PREX1: variants seen among roughly 807,000 people sequenced by gnomAD.
PREX1 encodes phosphatidylinositol-3,4,5-trisphosphate dependent Rac exchange factor 1, also known as phosphatidylinositol 3,4,5-trisphosphate-dependent Rac exchanger 1 protein.
In PREX1, 41 loss-of-function variants were observed where a neutral mutation model predicts 198.3. That is an observed-to-expected ratio of 0.21 (90% CI 0.16 to 0.27). PREX1 has a LOEUF of 0.27. Among genes scored for constraint, PREX1 ranks in the 10% least tolerant of loss-of-function variants. PREX1 has a pLI of 1.00. For synonymous variants in PREX1, 843 were observed against 887.2 expected (o/e 0.95, Z 0.89); for missense variants, 1,620 against 2,200.7 (o/e 0.74, Z 5.28).
chr20:48,855,101 A>G, the PREX1 span, among the ~76,000 whole-genome samples: 1 of 152,160 alleles, frequency 6.6e-6, no homozygotes, highest in Non-Finnish European at 1.5e-5. Context: ...ATTATCCAGT[A>G]CTAGTGAGCA....
At chr20:48,865,040 G>A in the PREX1 span, among the ~76,000 whole-genome samples, 2 of 152,066 alleles carry the variant, frequency 1.3e-5, no homozygotes, top group African/African-American at 4.8e-5. Flanking sequence ...CAGGGTTGGG[G>A]GGGGTCTTAC....
chr20:48,734,500 A>G (rs748017379), intron 4 of PREX1, 46 bp downstream of exon 4: 22 of 1,527,146 alleles, frequency 1.4e-5, no homozygotes, highest in Non-Finnish European at 1.9e-5. Context: ...TTCCACAAGG[A>G]TGAGGCCGAG....
At chr20:48,797,608 T>C (rs2090368952) in intron 1 of PREX1, among the ~76,000 whole-genome samples, 1 of 151,960 alleles carries the variant, frequency 6.6e-6, no homozygotes, top group African/African-American at 2.4e-5. Flanking sequence ...TTCTCAATGA[T>C]CTTCCCCAGA....
the PREX1 span, among the ~76,000 whole-genome samples, chr20:48,858,797 C>A: frequency 6.6e-6 from 1 of 152,360 alleles, no homozygotes; most frequent in Admixed American, 6.5e-5. Flanking sequence ...ATGTAGGCAG[C>A]TGAAGTCCTG....
chr20:48,765,248 G>A (rs950632905), intron 1 of PREX1, among the ~76,000 whole-genome samples: 39 of 152,168 alleles, frequency 2.6e-4, no homozygotes, highest in African/African-American at 8.4e-4. Flanking sequence ...CATATGTTTA[G>A]TAAGCTGCAA....
chr20:48,862,793 AT>A, the PREX1 span, among the ~76,000 whole-genome samples: 186 of 112,998 alleles, frequency 1.6e-3, 4 homozygotes, highest in Middle Eastern at 8.9e-3. Context: ...AAAAAAAAAT[AT>A]ATATATATAT....
the PREX1 span, among the ~76,000 whole-genome samples, chr20:48,882,395 G>A: frequency 1.2e-3 from 175 of 150,666 alleles, 3 homozygotes; most frequent in African/African-American, 3.7e-3. Flanking sequence ...CCAGCTACTC[G>A]GGAGGTTGAG....
At chr20:48,642,088 G>T in intron 29 of PREX1, 80 bp downstream of exon 29, 1 of 1,433,082 alleles carries the variant, frequency 7.0e-7, no homozygotes, top group Non-Finnish European at 9.8e-7. Context: ...GGGCAGAGCT[G>T]AGCATTAGCC....
chr20:48,842,445 T>C, the PREX1 span, among the ~76,000 whole-genome samples: 2 of 152,236 alleles, frequency 1.3e-5, no homozygotes, highest in African/African-American at 4.8e-5. Context: ...AGCCTTTGTG[T>C]AGAAAATTCC....
chr20:48,744,445 A>AG (rs943662231), intron 3 of PREX1, among the ~76,000 whole-genome samples: 1 of 152,176 alleles, frequency 6.6e-6, no homozygotes, highest in Non-Finnish European at 1.5e-5. Context: ...TCTGTCTGTG[A>AG]GGGGGGTCCC....
the PREX1 span, among the ~76,000 whole-genome samples, chr20:48,853,081 G>C: frequency 6.6e-6 from 1 of 151,882 alleles, no homozygotes; most frequent in Non-Finnish European, 1.5e-5. Flanking sequence ...GGGAAGGGAG[G>C]GTGACATTTT....
At chr20:48,836,007 T>A in the PREX1 span, among the ~76,000 whole-genome samples, 1 of 152,004 alleles carries the variant, frequency 6.6e-6, no homozygotes, top group East Asian at 1.9e-4. Flanking sequence ...GATCTAGGGG[T>A]GAAATAGAGT....
intron 14 of PREX1, among the ~76,000 whole-genome samples, chr20:48,672,794 G>A (rs921103160): frequency 5.3e-5 from 8 of 152,052 alleles, no homozygotes; most frequent in African/African-American, 1.7e-4. Flanking sequence ...GCACCACCCC[G>A]CCCATGTGAG....
chr20:48,828,147 C>T (rs534346191), upstream of PREX1, among the ~76,000 whole-genome samples: 367 of 150,392 alleles, frequency 2.4e-3, 3 homozygotes, highest in Non-Finnish European at 4.3e-3. Context: ...CGCTCGGCCG[C>T]AGAGGCGCTC....
At chr20:48,786,440 A>T (rs1463620190) in intron 1 of PREX1, among the ~76,000 whole-genome samples, 1 of 151,858 alleles carries the variant, frequency 6.6e-6, no homozygotes, top group Non-Finnish European at 1.5e-5. Flanking sequence ...GAAACGGGAT[A>T]GGGTAGAAAA....
At chr20:48,799,147 G>T (rs904863402) in intron 1 of PREX1, among the ~76,000 whole-genome samples, 23 of 152,166 alleles carry the variant, frequency 1.5e-4, no homozygotes, top group African/African-American at 5.6e-4. Context: ...CTCCCAGAGT[G>T]CTGAAATTAC....
At chr20:48,761,451 A>G (rs2090179613) in intron 1 of PREX1, among the ~76,000 whole-genome samples, 1 of 152,164 alleles carries the variant, frequency 6.6e-6, no homozygotes, top group African/African-American at 2.4e-5. Context: ...TAGTCAATCA[A>G]TCATCTAGAG....
chr20:48,692,756 T>G lies in PREX1; in HGVS notation c.952A>C (p.Lys318Gln). 1 of 1,614,064 alleles carries G rather than the reference T, an allele frequency of 6.2e-7. No individual in the cohort carries two copies. The highest frequency in any genetic ancestry group is 8.5e-7 in the Non-Finnish European group (1 of 1,180,004). Residue 318 changes from lysine to glutamine, a missense_variant, in exon 8 of 40, where the codon AAA (lysine) becomes CAA (glutamine). This residue lies in a region of PREX1 where 488 missense variants were observed against 802.5 expected (regional missense o/e 0.61). Coordinates refer to ENST00000371941, the MANE Select transcript of PREX1 (RefSeq NM_020820.4). ...TGSKKSTKRT[K>Q]SINGSLYIFR... ...ATGTAGAGGGAGCCGTTGATGGATT[T>G]GGTCCTCTTGGTGGACTTCTTGCTC...
At chr20:48,824,847 G>A (rs551952501) in intron 1 of PREX1, among the ~76,000 whole-genome samples, 7 of 152,086 alleles carry the variant, frequency 4.6e-5, no homozygotes, top group South Asian at 2.1e-4. Context: ...CCCCTATCAC[G>A]GGGGTTACTT....
Sources: allele counts gnomAD v4.1 joint callset (sites outside exome capture counted in the v4.1 genomes callset), GRCh38; gene constraint gnomAD v4.1.1; regional missense constraint gnomAD v4.1.1; transcripts MANE v1.5; gene names NCBI Gene and HGNC (gene_info 2026-07-23, HGNC 2026-07-21).